Variants in PTPRN2 observed in about 807,000 individuals in gnomAD.
The protein encoded by PTPRN2 is receptor-type tyrosine-protein phosphatase N2.
Under a neutral mutation model 118.8 loss-of-function variants are expected in PTPRN2, and 74 were observed. The observed-to-expected ratio is 0.62, with a 90% CI of 0.52 to 0.76. The LOEUF (loss-of-function observed/expected upper bound fraction) is 0.76. PTPRN2 is among the 30% of genes least tolerant of loss of function. The pLI is 0.00. For synonymous variants in PTPRN2, 641 were observed against 608.0 expected (o/e 1.05, Z -0.80); for missense variants, 1,481 against 1,394.4 (o/e 1.06, Z -0.99).
chr7:158,045,846 C>G (rs532124091), intron 11 of PTPRN2, among the ~76,000 whole-genome samples: 38 of 149,144 alleles, frequency 2.5e-4, no homozygotes, highest in African/African-American at 9.2e-4. Context: ...GGAGCAGAAC[C>G]TGCGATCCTG....
At chr7:157,797,960 T>C (rs1482285612) in intron 12 of PTPRN2, among the ~76,000 whole-genome samples, 1 of 152,202 alleles carries the variant, frequency 6.6e-6, no homozygotes, top group Non-Finnish European at 1.5e-5. Context: ...TACATTTCTT[T>C]AACGATTATT....
At chr7:157,685,075 G>T (rs1236205866) in intron 12 of PTPRN2, among the ~76,000 whole-genome samples, 1 of 151,842 alleles carries the variant, frequency 6.6e-6, no homozygotes, top group Non-Finnish European at 1.5e-5. Context: ...GCCCCTCGCC[G>T]CCCCTCGCCC....
intron 2 of PTPRN2, among the ~76,000 whole-genome samples, chr7:158,484,429 C>T (rs546410704): frequency 1.3e-5 from 2 of 152,348 alleles, no homozygotes; most frequent in South Asian, 2.1e-4. Flanking sequence ...ATGGTGTGAA[C>T]TCGGCTCACC....
intron 3 of PTPRN2, among the ~76,000 whole-genome samples, chr7:158,215,836 T>A (rs1345279440): frequency 6.6e-6 from 1 of 152,144 alleles, no homozygotes; most frequent in Non-Finnish European, 1.5e-5. Flanking sequence ...AAAGGAAAAT[T>A]GTGTTTTTCA....
intron 21 of PTPRN2, among the ~76,000 whole-genome samples, chr7:157,566,179 AG>A (rs1799477455): frequency 6.6e-6 from 1 of 152,204 alleles, no homozygotes; most frequent in African/African-American, 2.4e-5. Context: ...GCAGGACTGG[AG>A]GGCCCTAACA....
rs141681525 is a variant in PTPRN2 at position 158,449,536 on chromosome 7, A to G, written c.163+40199T>C. 6.1e-3 allele frequency among the ~76,000 whole-genome samples: 911 copies of G among 150,156 alleles called. 11 individuals are homozygous for G. The highest frequency in any genetic ancestry group is 0.022 in the African/African-American group (851 of 39,546). ...GACACACAGCGCGGGCCGAGTCCAAACAAACACCAACAGGCAGAAGCAAGA... is the reference window on the plus strand; with the variant it reads ...GACACACAGCGCGGGCCGAGTCCAAGCAAACACCAACAGGCAGAAGCAAGA... On this transcript the variant is annotated intron_variant, in intron 2 of 22. Coordinates refer to ENST00000389418, the MANE Select transcript of PTPRN2 (RefSeq NM_002847.5).
At chr7:158,291,527 A>C (rs1800119489) in intron 3 of PTPRN2, among the ~76,000 whole-genome samples, 2 of 152,204 alleles carry the variant, frequency 1.3e-5, no homozygotes, top group South Asian at 2.1e-4. Context: ...GTGTTTATTC[A>C]TTGGTTTTTG....
rs548059604 is a variant in PTPRN2, at chr7:158,321,714, G to T, written c.164-4782C>A. Among the ~76,000 whole-genome samples the T allele has an allele frequency of 2.0e-5, 3 of 152,308 alleles. No homozygotes were observed. The East Asian group carries it at 5.8e-4, about 29-fold the overall frequency. On this transcript the variant is annotated intron_variant, in intron 2 of 22. Transcript: ENST00000389418. Reference sequence around the variant, plus strand: ...TGAAAATCATGGGAGATGAGAACAGGTTTGCCTATGAAAACTGTGGGCTCC... The same window carrying T: ...TGAAAATCATGGGAGATGAGAACAGTTTTGCCTATGAAAACTGTGGGCTCC...
intron 3 of PTPRN2, among the ~76,000 whole-genome samples, chr7:158,314,016 C>CGGAG (rs144521036): frequency 0.023 from 3,558 of 152,210 alleles, 146 homozygotes; most frequent in African/African-American, 0.079. Flanking sequence ...GGCAGGGCCC[C>CGGAG]GGAGCCCTTG....
At chr7:157,938,848 C>A (rs1054863213) in intron 11 of PTPRN2, among the ~76,000 whole-genome samples, 4 of 152,234 alleles carry the variant, frequency 2.6e-5, no homozygotes, top group African/African-American at 9.6e-5. Context: ...GGTTTTAAAT[C>A]TACCGGAGTG....
chr7:158,302,550 C>G (rs546848291), intron 3 of PTPRN2, among the ~76,000 whole-genome samples: 2 of 152,260 alleles, frequency 1.3e-5, no homozygotes, highest in African/African-American at 4.8e-5. Context: ...GCATGCAAAT[C>G]TCTGTCTCAG....
chr7:158,143,640 GCCT>G (rs576474134), intron 6 of PTPRN2, among the ~76,000 whole-genome samples: 95 of 152,284 alleles, frequency 6.2e-4, no homozygotes, highest in African/African-American at 2.1e-3. Flanking sequence ...CTGCCCAGCG[GCCT>G]CCTCATCAGG....
intron 2 of PTPRN2, among the ~76,000 whole-genome samples, chr7:158,380,547 CAGAGTAA>C (rs1220033868): frequency 2.6e-5 from 4 of 152,190 alleles, no homozygotes; most frequent in Admixed American, 6.5e-5. Context: ...TGTGGCTTTG[CAGAGTAA>C]AGCCTCCCTC....
At chr7:157,656,659 A>T (rs1459190665) in intron 13 of PTPRN2, 108 bp from the exon 14 acceptor site, 1 of 1,174,988 alleles carries the variant, frequency 8.5e-7, no homozygotes, top group African/African-American at 1.5e-5. Flanking sequence ...GCTAAGATCC[A>T]AGGTTCAGGC....
intron 1 of PTPRN2, among the ~76,000 whole-genome samples, chr7:158,542,989 A>T (rs1384304367): frequency 3.9e-5 from 6 of 152,104 alleles, no homozygotes; most frequent in Non-Finnish European, 5.9e-5. Context: ...CACCCCAAAG[A>T]CAGGGAATGT....
intron 2 of PTPRN2, among the ~76,000 whole-genome samples, chr7:158,468,187 C>T (rs770725331): frequency 2.0e-5 from 3 of 152,196 alleles, no homozygotes; most frequent in Non-Finnish European, 4.4e-5. Flanking sequence ...TTGCAATTTG[C>T]AAATTCTTAA....
chr7:157,889,784 C>G (rs903539718), intron 12 of PTPRN2, among the ~76,000 whole-genome samples: 4 of 152,224 alleles, frequency 2.6e-5, no homozygotes, highest in African/African-American at 7.2e-5. Context: ...GCTACGCTTC[C>G]CAGCTGGTCA....
At chr7:158,300,366 G>A (rs893724559) in intron 3 of PTPRN2, among the ~76,000 whole-genome samples, 4 of 152,178 alleles carry the variant, frequency 2.6e-5, no homozygotes, top group Non-Finnish European at 2.9e-5. Context: ...GCAGCCTCAC[G>A]GGAGCATGGA....
At chr7:157,771,841 GAC>G (rs1802841326) in intron 12 of PTPRN2, among the ~76,000 whole-genome samples, 1 of 135,560 alleles carries the variant, frequency 7.4e-6, no homozygotes, top group Non-Finnish European at 1.5e-5. Context: ...ACAGACACAA[GAC>G]ACAAACAGAC....
Sources: gnomAD v4.1 joint callset for allele counts (sites outside exome capture counted in the v4.1 genomes callset) on GRCh38, gnomAD v4.1.1 for gene constraint, MANE v1.5 for transcripts, NCBI Gene and HGNC (gene_info 2026-07-23, HGNC 2026-07-21) for gene names.